Variants in GPC6 observed in about 807,000 individuals in gnomAD.
GPC6 encodes the protein glypican 6, also known as glypican-6.
GPC6 carries 14 observed loss-of-function variants against 55.2 expected under a neutral mutation model. That is an observed-to-expected ratio of 0.25 (90% CI 0.17 to 0.40). GPC6 has a LOEUF of 0.40. Among genes scored for constraint, GPC6 ranks in the 10% least tolerant of loss-of-function variants. GPC6 has a pLI of 1.00. For missense variants in GPC6, 641 were observed against 708.5 expected (o/e 0.90, Z 1.08); for synonymous variants, 278 against 259.6 (o/e 1.07, Z -0.68).
intron 1 of GPC6, among the ~76,000 whole-genome samples, chr13:93,415,831 C>A (rs547345813): frequency 2.0e-5 from 3 of 151,880 alleles, no homozygotes; most frequent in Non-Finnish European, 2.9e-5. Context: ...TCTATTGGTA[C>A]GTGCATCTTT....
intron 2 of GPC6, among the ~76,000 whole-genome samples, chr13:93,721,710 A>C (rs1418684363): frequency 6.6e-6 from 1 of 151,764 alleles, no homozygotes; most frequent in Non-Finnish European, 1.5e-5. Context: ...TATTTTGGCT[A>C]TTAAATCATT....
chr13:93,887,167 T>G (rs1420922054), intron 3 of GPC6, among the ~76,000 whole-genome samples: 1 of 152,064 alleles, frequency 6.6e-6, no homozygotes, highest in Admixed American at 6.6e-5. Context: ...GAAATTTATT[T>G]AGTTTCAAAA....
intron 2 of GPC6, among the ~76,000 whole-genome samples, chr13:93,688,439 T>C (rs1236426121): frequency 1.3e-5 from 2 of 152,068 alleles, no homozygotes; most frequent in African/African-American, 4.8e-5. Flanking sequence ...AATACAAAAG[T>C]TAAAAGCAGA....
intron 1 of GPC6, among the ~76,000 whole-genome samples, chr13:93,265,465 A>G (rs1293645939): frequency 2.6e-5 from 4 of 152,188 alleles, no homozygotes; most frequent in African/African-American, 9.6e-5. Flanking sequence ...CCTTCATTTC[A>G]TGCACAAAAT....
chr13:93,380,153 A>G (rs1040453655), intron 1 of GPC6, among the ~76,000 whole-genome samples: 7 of 152,146 alleles, frequency 4.6e-5, no homozygotes, highest in Non-Finnish European at 1.5e-5. Flanking sequence ...GTTACTGATG[A>G]GAAAAATGGA....
Position 93,545,303 on chromosome 13 carries a change from C to T in GPC6, c.201C>T (p.Cys67=), listed in dbSNP as rs1431400894. Reference sequence around the variant, plus strand: ...TCTGTCCTCAGGAATATACATGCTGCACCACAGAAATGGAAGACAAGTTAA... The same window carrying T: ...TCTGTCCTCAGGAATATACATGCTGTACCACAGAAATGGAAGACAAGTTAA... The part of the protein sequence containing the change: ...LRICPQEYTC[C]TTEMEDKLSQ... The change falls in exon 2 of 9, where the codon TGC becomes TGT. Residue 67 remains cysteine, a synonymous_variant. Transcript: ENST00000377047. The T allele has an allele frequency of 6.2e-7, 1 of 1,613,410 alleles. No homozygotes were observed. Among genetic ancestry groups the T allele is most frequent in the East Asian group, 2.2e-5 (1 of 44,854 alleles).
chr13:94,371,379 A>T (rs1391137387), intron 6 of GPC6, among the ~76,000 whole-genome samples: 1 of 152,154 alleles, frequency 6.6e-6, no homozygotes, highest in East Asian at 1.9e-4. Flanking sequence ...CAAAAACCAT[A>T]GTTATCAACT....
chr13:94,167,301 G>A (rs1888401452), intron 4 of GPC6, among the ~76,000 whole-genome samples: 1 of 152,078 alleles, frequency 6.6e-6, no homozygotes, highest in Admixed American at 6.6e-5. Context: ...GGGGTGAACA[G>A]AGAGAGAGAG....
At chr13:93,545,096 G>A (rs1186662047) in intron 1 of GPC6, among the ~76,000 whole-genome samples, 167 bp from the exon 2 acceptor site, 2 of 152,214 alleles carry the variant, frequency 1.3e-5, no homozygotes, top group Admixed American at 6.5e-5. Context: ...TGTTTGGAAT[G>A]TTAGATACAC....
At chr13:93,995,611 G>A (rs898843939) in intron 3 of GPC6, among the ~76,000 whole-genome samples, 2 of 151,964 alleles carry the variant, frequency 1.3e-5, no homozygotes, top group Non-Finnish European at 2.9e-5. Context: ...AATTGTTCTA[G>A]GTACTAGTGA....
chr13:94,020,140 T>C (rs1229945610), intron 3 of GPC6, among the ~76,000 whole-genome samples: 1 of 152,218 alleles, frequency 6.6e-6, no homozygotes, highest in African/African-American at 2.4e-5. Context: ...TCTTCTCTTT[T>C]AACATAGGCA....
At chr13:94,306,626 A>C (rs1223183618) in intron 6 of GPC6, among the ~76,000 whole-genome samples, 1 of 152,192 alleles carries the variant, frequency 6.6e-6, no homozygotes, top group Non-Finnish European at 1.5e-5. Flanking sequence ...AAAAAGTTGG[A>C]ATCCTTAGAA....
rs1881358920 is a variant in GPC6, at chr13:94,406,196, G to C, written c.*2979G>C. On this transcript the variant is annotated 3_prime_UTR_variant, in exon 9 of 9. Coordinates refer to ENST00000377047, the MANE Select transcript of GPC6 (RefSeq NM_005708.5). ...CTTATTGAAGTGCCTCTATTTACATGTTCTTTAGTTATAATATGTATTTTT... is the reference window on the plus strand; with the variant it reads ...CTTATTGAAGTGCCTCTATTTACATCTTCTTTAGTTATAATATGTATTTTT... The C allele has an allele frequency of 6.6e-6, 1 of 152,144 alleles. No individual in the cohort carries two copies. The highest frequency in any genetic ancestry group is 1.5e-5 in the Non-Finnish European group (1 of 67,970). The allele number at this position is 152,144 out of a possible 1,614,324, so 9.4% of individuals were successfully genotyped here. A position where few individuals can be genotyped will look rare whatever the true frequency, so the allele number is the denominator to read the frequency against.
chr13:93,510,499 A>G (rs183408307), intron 1 of GPC6, among the ~76,000 whole-genome samples: 28 of 152,232 alleles, frequency 1.8e-4, no homozygotes, highest in Admixed American at 1.6e-3. Flanking sequence ...ACGTGATTTT[A>G]TACTTTTTAA....
intron 4 of GPC6, among the ~76,000 whole-genome samples, chr13:94,217,382 CTT>C (rs1039001781): frequency 1.1e-4 from 16 of 152,228 alleles, no homozygotes; most frequent in South Asian, 2.1e-4. Flanking sequence ...AATGTTGTCT[CTT>C]TATATCCCAT....
In GPC6 at chr13:93,806,104, A is replaced by G. The variant is rs548753781; in HGVS notation, c.320-24050A>G. 2.6e-5 allele frequency among the ~76,000 whole-genome samples: 4 copies of G among 152,312 alleles called. No homozygotes were observed. In the East Asian group the frequency reaches 7.7e-4, roughly 29 times the overall value. On this transcript the variant is annotated intron_variant, in intron 2 of 8. Coordinates refer to ENST00000377047, the MANE Select transcript of GPC6 (RefSeq NM_005708.5). Reference sequence around the variant, plus strand: ...TAAATCAGCTACACATATTTTGAATAAGAATGCTTTTCTTTGAACACCATG... The same window carrying G: ...TAAATCAGCTACACATATTTTGAATGAGAATGCTTTTCTTTGAACACCATG...
chr13:93,704,848 G>A (rs1882791837), intron 2 of GPC6, among the ~76,000 whole-genome samples: 1 of 152,080 alleles, frequency 6.6e-6, no homozygotes, highest in East Asian at 1.9e-4. Flanking sequence ...GCATGATCTG[G>A]TTGGATCTTG....
intron 1 of GPC6, among the ~76,000 whole-genome samples, chr13:93,254,679 G>T (rs1361519366): frequency 6.6e-6 from 1 of 151,976 alleles, no homozygotes; most frequent in Non-Finnish European, 1.5e-5. Flanking sequence ...TGCATATGAA[G>T]ATGTTTTAAG....
intron 1 of GPC6, among the ~76,000 whole-genome samples, chr13:93,347,829 G>T (rs1880482159): frequency 6.6e-6 from 1 of 152,166 alleles, no homozygotes; most frequent in Admixed American, 6.5e-5. Flanking sequence ...AAAGCTTGCT[G>T]GGGAAGACAG....
Sources: allele counts gnomAD v4.1 joint callset (sites outside exome capture counted in the v4.1 genomes callset), GRCh38; gene constraint gnomAD v4.1.1; transcripts MANE v1.5; gene names NCBI Gene and HGNC (gene_info 2026-07-23, HGNC 2026-07-21).